Variants in ATG10 observed in about 807,000 individuals in gnomAD.
The protein encoded by ATG10 is ubiquitin-like-conjugating enzyme ATG10.
In ATG10, 30 loss-of-function variants were observed where a neutral mutation model predicts 32.1. The ratio of observed to expected loss-of-function variants is 0.94; its 90% CI spans 0.70 to 1.27. The LOEUF (loss-of-function observed/expected upper bound fraction) is 1.27, where lower values mean the gene tolerates loss of function less well. ATG10 is among the 50% of genes most tolerant of loss of function. The probability of loss-of-function intolerance (pLI) is 0.00; values close to 1 mark genes in which losing one functional copy is unlikely to be tolerated. For missense variants in ATG10, 233 were observed against 262.3 expected (o/e 0.89, Z 0.77); for synonymous variants, 87 against 91.5 (o/e 0.95, Z 0.28).
At chr5:81,988,827 G>T (rs1761367029) in intron 2 of ATG10, among the ~76,000 whole-genome samples, 1 of 152,004 alleles carries the variant, frequency 6.6e-6, no homozygotes, top group South Asian at 2.1e-4. Flanking sequence ...GTCAAAAACT[G>T]TTTTTTTGTT....
At chr5:82,142,908 C>T (rs138548331) in intron 3 of ATG10, among the ~76,000 whole-genome samples, 25 of 152,096 alleles carry the variant, frequency 1.6e-4, no homozygotes, top group South Asian at 1.5e-3. Flanking sequence ...ATGTACATGC[C>T]GTTGCTAAAA....
intron 5 of ATG10, among the ~76,000 whole-genome samples, chr5:82,222,442 C>T (rs1745966158): frequency 6.6e-6 from 1 of 152,114 alleles, no homozygotes; most frequent in Non-Finnish European, 1.5e-5. Context: ...TAGAATAGAT[C>T]CTAGCACATA....
At chr5:82,179,763 T>C (rs1380587916) in intron 5 of ATG10, among the ~76,000 whole-genome samples, 1 of 152,124 alleles carries the variant, frequency 6.6e-6, no homozygotes, top group African/African-American at 2.4e-5. Flanking sequence ...AGTTTATCAG[T>C]TATTAGAATT....
At chr5:82,042,448 G>A (rs1763114142) in intron 2 of ATG10, among the ~76,000 whole-genome samples, 1 of 151,968 alleles carries the variant, frequency 6.6e-6, no homozygotes, top group Non-Finnish European at 1.5e-5. Context: ...ATTCCACCTT[G>A]GCCCCTCTCA....
chr5:82,122,204 G>C (rs1388052116), intron 3 of ATG10, among the ~76,000 whole-genome samples: 1 of 151,854 alleles, frequency 6.6e-6, no homozygotes, highest in East Asian at 1.9e-4. Context: ...ATTTCTTCCT[G>C]CGTCAGTGTT....
chr5:82,030,586 C>T (rs935704493), intron 2 of ATG10, among the ~76,000 whole-genome samples: 1 of 152,192 alleles, frequency 6.6e-6, no homozygotes, highest in African/African-American at 2.4e-5. Context: ...TTCTGTCTTT[C>T]CTCATATGGC....
chr5:82,027,272 G>A (rs768669296), intron 2 of ATG10, among the ~76,000 whole-genome samples: 15 of 152,064 alleles, frequency 9.9e-5, no homozygotes, highest in Admixed American at 3.9e-4. Context: ...GGTGGTGCAT[G>A]CCTGTAGCCC....
intron 3 of ATG10, among the ~76,000 whole-genome samples, chr5:82,162,803 C>G (rs1243158028): frequency 8.9e-6 from 1 of 112,010 alleles, no homozygotes; most frequent in Admixed American, 1.4e-4. Flanking sequence ...ACTCTAGGAG[C>G]ATATGTATGT....
At chr5:82,105,272 T>C (rs993870533) in intron 3 of ATG10, among the ~76,000 whole-genome samples, 20 of 152,150 alleles carry the variant, frequency 1.3e-4, no homozygotes, top group Admixed American at 1.2e-3. Flanking sequence ...GTTTATATTA[T>C]GTTAAATGAA....
intron 5 of ATG10, among the ~76,000 whole-genome samples, chr5:82,216,332 G>A (rs905165008): frequency 1.3e-5 from 2 of 152,094 alleles, no homozygotes; most frequent in African/African-American, 4.8e-5. Flanking sequence ...AGTATATCCT[G>A]GTCTAAAAAT....
intron 2 of ATG10, among the ~76,000 whole-genome samples, chr5:82,044,351 C>G (rs1220972940): frequency 6.6e-6 from 1 of 152,140 alleles, no homozygotes; most frequent in Non-Finnish European, 1.5e-5. Flanking sequence ...CACCAGGCCC[C>G]TCCTCTAATT....
intron 3 of ATG10, among the ~76,000 whole-genome samples, chr5:82,064,424 T>C (rs1277920145): frequency 6.6e-6 from 1 of 152,156 alleles, no homozygotes; most frequent in African/African-American, 2.4e-5. Context: ...TATGTAGATA[T>C]GTGAATGGAT....
chr5:82,072,698 G>T (rs1050293462), intron 3 of ATG10, among the ~76,000 whole-genome samples: 6 of 152,072 alleles, frequency 3.9e-5, no homozygotes, highest in African/African-American at 1.4e-4. Context: ...AGGACCAAAA[G>T]TGTCTTATTG....
chr5:82,213,822 T>C lies in ATG10; in HGVS notation c.453+35235T>C, dbSNP rs544960506. On this transcript the variant is annotated intron_variant, in intron 5 of 7. Coordinates refer to ENST00000282185, the MANE Select transcript of ATG10 (RefSeq NM_031482.5). ...GAATTCTCTGCCCTGGATGATGCTATGGGAGCACTGCCTAAGTCTGCCCTC... is the reference window on the plus strand; with the variant it reads ...GAATTCTCTGCCCTGGATGATGCTACGGGAGCACTGCCTAAGTCTGCCCTC... Among the ~76,000 whole-genome samples the C allele has an allele frequency of 2.6e-5, 4 of 152,362 alleles. No homozygotes were observed. The South Asian group carries it at 8.3e-4, about 32-fold the overall frequency.
chr5:82,152,487 T>A lies in ATG10; in HGVS notation c.217-11912T>A, dbSNP rs1581747292. Among the ~76,000 whole-genome samples the A allele has an allele frequency of 2.0e-5, 3 of 152,336 alleles. No homozygotes were observed. In the East Asian group the frequency reaches 5.8e-4, roughly 29 times the overall value. ...AGGTGCTAACTTTTCAATGGGCACC[T>A]TAAAATCAACATTTCTGCAACTTTA... On this transcript the variant is annotated intron_variant, in intron 3 of 7. Transcript: ENST00000282185.
chr5:82,181,333 C>T (rs1238155600), intron 5 of ATG10, among the ~76,000 whole-genome samples: 2 of 152,146 alleles, frequency 1.3e-5, no homozygotes, highest in African/African-American at 2.4e-5. Flanking sequence ...CGAGGCATTA[C>T]AGACCAAGTA....
At chr5:82,038,261 C>T (rs1190137957) in intron 2 of ATG10, among the ~76,000 whole-genome samples, 1 of 152,182 alleles carries the variant, frequency 6.6e-6, no homozygotes, top group African/African-American at 2.4e-5. Context: ...CTAGAATCTT[C>T]TGAGGAGACT....
intron 5 of ATG10, among the ~76,000 whole-genome samples, chr5:82,211,962 C>T (rs1454882521): frequency 3.3e-5 from 5 of 152,204 alleles, no homozygotes; most frequent in East Asian, 1.9e-4. Context: ...AGCAATTGAA[C>T]ATCTCTGGAG....
intron 3 of ATG10, among the ~76,000 whole-genome samples, chr5:82,092,838 G>A (rs1202733913): frequency 1.3e-5 from 2 of 152,122 alleles, no homozygotes; most frequent in East Asian, 1.9e-4. Flanking sequence ...ACATGGTGAG[G>A]CATAATTTAC....
Sources: gnomAD v4.1 joint callset for allele counts (sites outside exome capture counted in the v4.1 genomes callset) on GRCh38, gnomAD v4.1.1 for gene constraint, MANE v1.5 for transcripts, NCBI Gene and HGNC (gene_info 2026-07-23, HGNC 2026-07-21) for gene names.